Variants in MACROD2 observed in about 807,000 individuals in gnomAD.
MACROD2 encodes the protein ADP-ribose glycohydrolase MACROD2.
In MACROD2, 36 loss-of-function variants were observed where a neutral mutation model predicts 70.4. The ratio of observed to expected loss-of-function variants is 0.51; its 90% CI spans 0.39 to 0.68. The LOEUF is 0.68. Ranked by LOEUF, MACROD2 falls within the 30% of genes least tolerant of loss-of-function variation. MACROD2 has a pLI of 0.00. For synonymous variants in MACROD2, 172 were observed against 178.8 expected, an observed-to-expected ratio of 0.96 and a Z score of 0.30; for missense variants, 496 against 538.4, an observed-to-expected ratio of 0.92 and a Z score of 0.78.
At chr20:14,411,216 A>G (rs1466666628) in intron 3 of MACROD2, among the ~76,000 whole-genome samples, 1 of 152,130 alleles carries the variant, frequency 6.6e-6, no homozygotes, top group Admixed American at 6.6e-5. Flanking sequence ...AAGATTGCCC[A>G]GTATTCTGGG....
chr20:15,158,138 C>T (rs2076322188), intron 5 of MACROD2, among the ~76,000 whole-genome samples: 1 of 152,092 alleles, frequency 6.6e-6, no homozygotes, highest in Non-Finnish European at 1.5e-5. Context: ...GGCAGTGACA[C>T]ATAATAGGGG....
chr20:15,465,035 A>G (rs2046866913), intron 7 of MACROD2, among the ~76,000 whole-genome samples: 1 of 151,998 alleles, frequency 6.6e-6, no homozygotes, highest in Non-Finnish European at 1.5e-5. Context: ...GCTAGCTTGT[A>G]CCTTTTTCTT....
intron 6 of MACROD2, among the ~76,000 whole-genome samples, chr20:15,278,947 G>A (rs1265231459): frequency 2.0e-5 from 3 of 152,240 alleles, no homozygotes; most frequent in Admixed American, 6.5e-5. Flanking sequence ...TGGATGCCTC[G>A]CGTGCCCTGC....
chr20:14,677,198 T>TA (rs905655342), intron 4 of MACROD2, among the ~76,000 whole-genome samples: 30 of 151,420 alleles, frequency 2.0e-4, no homozygotes, highest in African/African-American at 5.3e-4. Flanking sequence ...AATCTTAAGT[T>TA]AAAAAAAAAT....
intron 8 of MACROD2, among the ~76,000 whole-genome samples, chr20:15,730,456 A>G (rs940034926): frequency 2.0e-5 from 3 of 152,180 alleles, no homozygotes; most frequent in African/African-American, 7.2e-5. Flanking sequence ...TATAAAGCTT[A>G]GTTTGGCTGG....
chr20:15,001,342 G>A (rs1044676207), intron 5 of MACROD2, among the ~76,000 whole-genome samples: 3 of 152,010 alleles, frequency 2.0e-5, no homozygotes, highest in Non-Finnish European at 4.4e-5. Flanking sequence ...CCTTCCTTTT[G>A]AGAACCACTA....
intron 8 of MACROD2, among the ~76,000 whole-genome samples, chr20:15,611,018 C>G (rs899816198): frequency 2.4e-4 from 7 of 28,938 alleles, no homozygotes; most frequent in Admixed American, 1.3e-3. Flanking sequence ...TTTTTTTTTG[C>G]CCCCAGTGAG....
At chr20:15,784,049 GA>G (rs2051879434) in intron 8 of MACROD2, among the ~76,000 whole-genome samples, 2 of 152,106 alleles carry the variant, frequency 1.3e-5, no homozygotes, top group Non-Finnish European at 2.9e-5. Flanking sequence ...TTCCTTGAAA[GA>G]AAAGTTAGTT....
intron 5 of MACROD2, among the ~76,000 whole-genome samples, chr20:14,772,335 C>T (rs1022763075): frequency 2.0e-5 from 3 of 151,946 alleles, no homozygotes; most frequent in Admixed American, 2.0e-4. Flanking sequence ...CATTTTCACA[C>T]AGCTGATAAA....
chr20:14,673,044 C>A (rs193234652), intron 4 of MACROD2, among the ~76,000 whole-genome samples: 1 of 152,206 alleles, frequency 6.6e-6, no homozygotes, highest in Non-Finnish European at 1.5e-5. Flanking sequence ...TTTCATGATT[C>A]CCATGTATAG....
intron 8 of MACROD2, among the ~76,000 whole-genome samples, chr20:15,821,039 C>T (rs1400409792): frequency 1.3e-5 from 2 of 152,140 alleles, no homozygotes; most frequent in Non-Finnish European, 2.9e-5. Context: ...TCCACAGACA[C>T]AGATCCTTGG....
chr20:14,988,229 T>C (rs2074866586), intron 5 of MACROD2, among the ~76,000 whole-genome samples: 1 of 151,640 alleles, frequency 6.6e-6, no homozygotes, highest in South Asian at 2.1e-4. Context: ...CAGGGCGAGG[T>C]GGCGTACACC....
intron 15 of MACROD2, among the ~76,000 whole-genome samples, chr20:16,029,980 C>T (rs1292180905): frequency 1.3e-5 from 2 of 152,138 alleles, no homozygotes; most frequent in East Asian, 1.9e-4. Context: ...GGTGATGCTT[C>T]CTTGAAGAAG....
chr20:15,231,978 T>C (rs2145985744), intron 6 of MACROD2, among the ~76,000 whole-genome samples: 1 of 152,070 alleles, frequency 6.6e-6, no homozygotes, highest in East Asian at 1.9e-4. Context: ...TTGATCATCA[T>C]GTTTTGCATG....
chr20:15,854,867 T>G (rs569721457), intron 8 of MACROD2, among the ~76,000 whole-genome samples: 1 of 152,344 alleles, frequency 6.6e-6, no homozygotes, highest in African/African-American at 2.4e-5. Context: ...ATTTGATACT[T>G]AAGCTTTGAA....
At chr20:14,838,019 C>T (rs1477473919) in intron 5 of MACROD2, among the ~76,000 whole-genome samples, 6 of 151,878 alleles carry the variant, frequency 4.0e-5, no homozygotes, top group African/African-American at 1.4e-4. Flanking sequence ...GTGTTAAGTC[C>T]ATACTATTGG....
At chr20:15,332,682 G>T (rs2078005806) in intron 6 of MACROD2, among the ~76,000 whole-genome samples, 1 of 151,484 alleles carries the variant, frequency 6.6e-6, no homozygotes, top group Admixed American at 6.6e-5. Flanking sequence ...ATTTATTTTG[G>T]TCTTCTTACG....
At chr20:14,357,149 G>A (rs1038696776) in intron 3 of MACROD2, among the ~76,000 whole-genome samples, 4 of 152,172 alleles carry the variant, frequency 2.6e-5, no homozygotes, top group African/African-American at 9.7e-5. Context: ...TGGGCACATT[G>A]TAAGAAGAGT....
chr20:15,539,532 A>C (rs1017990587), intron 8 of MACROD2, among the ~76,000 whole-genome samples: 2 of 152,232 alleles, frequency 1.3e-5, no homozygotes, highest in Non-Finnish European at 2.9e-5. Context: ...TCAATACTGA[A>C]GTAGAATTCA....
Sources: gnomAD v4.1 joint callset for allele counts (sites outside exome capture counted in the v4.1 genomes callset) on GRCh38, gnomAD v4.1.1 for gene constraint, MANE v1.5 for transcripts, NCBI Gene and HGNC (gene_info 2026-07-23, HGNC 2026-07-21) for gene names.